Variants in NUDCD1 observed in about 807,000 individuals in gnomAD.
NUDCD1 encodes the protein nudC domain-containing protein 1.
NUDCD1 carries 60 observed loss-of-function variants against 67.8 expected under a neutral mutation model. That is an observed-to-expected ratio of 0.88 (90% CI 0.72 to 1.10). The LOEUF (loss-of-function observed/expected upper bound fraction) is 1.10. Among genes scored for constraint, NUDCD1 ranks in the 50% least tolerant of loss-of-function variants. The pLI is 0.00. For synonymous variants in NUDCD1, 244 were observed against 230.8 expected, an observed-to-expected ratio of 1.06 and a Z score of -0.52; for missense variants, 643 against 695.0, an observed-to-expected ratio of 0.93 and a Z score of 0.84.
chr8:109,282,259 T>G (rs1027791534), intron 5 of NUDCD1, among the ~76,000 whole-genome samples: 32 of 152,136 alleles, frequency 2.1e-4, no homozygotes, highest in African/African-American at 7.7e-4. Context: ...TAGAGAGTTC[T>G]CCCAGTAAAC....
At chr8:109,254,455 T>C (rs1042273069) in intron 8 of NUDCD1, among the ~76,000 whole-genome samples, 1 of 152,202 alleles carries the variant, frequency 6.6e-6, no homozygotes, top group African/African-American at 2.4e-5. Flanking sequence ...AATTTACTCA[T>C]TTGGAAAATT....
rs1168674390 is a variant in NUDCD1, at chr8:109,295,547, T to A, written c.459+837A>T. Among the ~76,000 whole-genome samples the A allele has an allele frequency of 3.9e-5, 6 of 152,272 alleles. No individual in the cohort carries two copies. The East Asian group carries it at 1.2e-3, about 29-fold the overall frequency. On this transcript the variant is annotated intron_variant, in intron 3 of 9. Coordinates refer to ENST00000239690, the MANE Select transcript of NUDCD1 (RefSeq NM_032869.4). ...ATTTAGTATAACTTAGTAAGGTAGG[T>A]AAACCATTTGGTTCTAAGACCTAAC...
intron 1 of NUDCD1, among the ~76,000 whole-genome samples, chr8:109,333,651 C>CA (rs1451267931): frequency 6.6e-6 from 1 of 152,182 alleles, no homozygotes; most frequent in Non-Finnish European, 1.5e-5. Context: ...CCTCAGACCT[C>CA]AGAGGCTGGG....
chr8:109,322,811 T>G (rs978135878), intron 1 of NUDCD1, among the ~76,000 whole-genome samples: 2 of 152,178 alleles, frequency 1.3e-5, no homozygotes, highest in African/African-American at 4.8e-5. Context: ...AGGAAAATGT[T>G]AAGCCCAATT....
chr8:109,248,609 G>A (rs1360983454), intron 8 of NUDCD1, among the ~76,000 whole-genome samples: 5 of 151,618 alleles, frequency 3.3e-5, no homozygotes, highest in Admixed American at 1.3e-4. Flanking sequence ...GGTGACTAGG[G>A]TCAAGAGCTT....
At chr8:109,263,070 A>AAAAAAAC (rs1813907131) in intron 8 of NUDCD1, among the ~76,000 whole-genome samples, 4 of 150,180 alleles carry the variant, frequency 2.7e-5, no homozygotes, top group African/African-American at 9.8e-5. Context: ...AAAAAAAAAA[A>AAAAAAAC]AAAAAAAAAC....
At chr8:109,306,119 T>C (rs1815095836) in intron 2 of NUDCD1, among the ~76,000 whole-genome samples, 1 of 152,190 alleles carries the variant, frequency 6.6e-6, no homozygotes. Context: ...TCTCAACTAC[T>C]CATAAATGCC....
At chr8:109,278,435 A>C (rs527401896) in intron 6 of NUDCD1, among the ~76,000 whole-genome samples, 1 of 152,306 alleles carries the variant, frequency 6.6e-6, no homozygotes, top group South Asian at 2.1e-4. Flanking sequence ...GTAATTTATA[A>C]ATAAAATTCA....
intron 2 of NUDCD1, among the ~76,000 whole-genome samples, chr8:109,306,562 T>G (rs561992951): frequency 6.6e-6 from 1 of 151,886 alleles, no homozygotes; most frequent in South Asian, 2.1e-4. Context: ...GCGTGGTATA[T>G]GACAACATAA....
At chr8:109,319,272 C>G (rs957487130) in intron 2 of NUDCD1, among the ~76,000 whole-genome samples, 14 of 152,264 alleles carry the variant, frequency 9.2e-5, no homozygotes, top group Admixed American at 7.8e-4. Flanking sequence ...CGCGCTCGGC[C>G]CATTTTATGT....
intron 8 of NUDCD1, among the ~76,000 whole-genome samples, chr8:109,264,124 C>T (rs1381132304): frequency 6.6e-6 from 1 of 152,130 alleles, no homozygotes; most frequent in Non-Finnish European, 1.5e-5. Flanking sequence ...TTGGGAAGCA[C>T]TTGGGAATCG....
intron 6 of NUDCD1, among the ~76,000 whole-genome samples, chr8:109,276,697 C>A (rs925165235): frequency 1.3e-5 from 2 of 152,170 alleles, no homozygotes; most frequent in Admixed American, 1.3e-4. Flanking sequence ...CACTCTCTTG[C>A]CCAGGCTGCA....
chr8:109,270,721 GAA>G (rs79599516), intron 8 of NUDCD1, among the ~76,000 whole-genome samples: 1 of 143,590 alleles, frequency 7.0e-6, no homozygotes. Flanking sequence ...ACTGTTGAAT[GAA>G]AAAAAAAAAG....
At chr8:109,305,315 T>C (rs1815078280) in intron 2 of NUDCD1, among the ~76,000 whole-genome samples, 4 of 152,190 alleles carry the variant, frequency 2.6e-5, no homozygotes, top group Admixed American at 2.6e-4. Context: ...TCTTCCCTTC[T>C]GTAAGACATA....
chr8:109,331,557 T>C lies in NUDCD1; in HGVS notation c.118+2336A>G, dbSNP rs74771803. 2.5e-3 allele frequency among the ~76,000 whole-genome samples: 369 copies of C among 148,770 alleles called. 7 individuals are homozygous for C. The East Asian group carries it at 0.045, about 18-fold the overall frequency. ...AAAAAAATCTTCAAATGGCACCTGA[T>C]ATCCTGCAGCTGTACATCCCAAACA... On this transcript the variant is annotated intron_variant, in intron 1 of 9. Transcript: ENST00000239690.
intron 8 of NUDCD1, among the ~76,000 whole-genome samples, chr8:109,246,027 C>A (rs968274549): frequency 6.6e-6 from 1 of 152,114 alleles, no homozygotes; most frequent in Non-Finnish European, 1.5e-5. Context: ...AGGCTGTCTG[C>A]CTTATGAGAA....
At chr8:109,308,709 C>G (rs1012639456) in intron 2 of NUDCD1, among the ~76,000 whole-genome samples, 1 of 151,912 alleles carries the variant, frequency 6.6e-6, no homozygotes, top group Non-Finnish European at 1.5e-5. Context: ...CGGTGGCTCA[C>G]GCCTGTAATC....
At chr8:109,265,316 T>C (rs570137453) in intron 8 of NUDCD1, among the ~76,000 whole-genome samples, 1 of 151,912 alleles carries the variant, frequency 6.6e-6, no homozygotes, top group East Asian at 1.9e-4. Flanking sequence ...AATAGTTTAA[T>C]AAAATATGGA....
chr8:109,328,921 A>G (rs930326574), intron 1 of NUDCD1, among the ~76,000 whole-genome samples: 4 of 152,242 alleles, frequency 2.6e-5, no homozygotes, highest in Non-Finnish European at 5.9e-5. Flanking sequence ...TTACCAATCA[A>G]TAGAAGCCAA....
Sources: allele counts gnomAD v4.1 joint callset (sites outside exome capture counted in the v4.1 genomes callset), GRCh38; gene constraint gnomAD v4.1.1; transcripts MANE v1.5; gene names NCBI Gene and HGNC (gene_info 2026-07-23, HGNC 2026-07-21).